GRB14: variants seen among roughly 807,000 people sequenced by gnomAD.
GRB14 encodes the protein growth factor receptor bound protein 14.
A neutral mutation model predicts 69.1 loss-of-function variants in GRB14; 38 were observed. That is an observed-to-expected ratio of 0.55 (90% CI 0.42 to 0.72). The LOEUF (loss-of-function observed/expected upper bound fraction) is 0.72, where lower values mean the gene tolerates loss of function less well. GRB14 is among the 30% of genes least tolerant of loss of function. GRB14 has a pLI of 0.00. For synonymous variants in GRB14, 247 were observed against 241.3 expected (o/e 1.02, Z -0.22); for missense variants, 666 against 666.1 (o/e 1.00, Z 0.00).
rs549825331 is a variant in GRB14 at position 164,592,882 on chromosome 2, C to G, written c.324+26805G>C. Among the ~76,000 whole-genome samples the G allele has an allele frequency of 2.6e-5, 4 of 152,302 alleles. No homozygotes were observed. The South Asian group carries it at 8.3e-4, about 32-fold the overall frequency. On this transcript the variant is annotated intron_variant, in intron 2 of 13. Transcript: ENST00000263915. ...CTGCTTTTCTCAAAGCATTTCAACTCTGCCTCCATGCCCTTACCTTTCTGA... is the reference window on the plus strand; with the variant it reads ...CTGCTTTTCTCAAAGCATTTCAACTGTGCCTCCATGCCCTTACCTTTCTGA...
chr2:164,497,304 C>T, intron 10 of GRB14, 21 bp from the exon 11 acceptor site: 1 of 1,610,620 alleles, frequency 6.2e-7, no homozygotes, highest in South Asian at 1.1e-5. Context: ...AAGGAGAAAA[C>T]AAATCTCAAG....
At chr2:164,507,801 G>GT (rs1211499334) in intron 8 of GRB14, among the ~76,000 whole-genome samples, 2 of 152,064 alleles carry the variant, frequency 1.3e-5, no homozygotes, top group African/African-American at 4.8e-5. Context: ...CTGGCAAACA[G>GT]TTTTTGAAAA....
At chr2:164,604,451 T>C (rs1689997704) in intron 2 of GRB14, among the ~76,000 whole-genome samples, 1 of 152,146 alleles carries the variant, frequency 6.6e-6, no homozygotes, top group Non-Finnish European at 1.5e-5. Context: ...ACATACAATA[T>C]ATTTTTAAAT....
At position 164,620,595 on chromosome 2, in the gene GRB14, G is replaced by A. The variant is rs186471686; in HGVS notation, c.191+524C>T. On this transcript the variant is annotated intron_variant, in intron 1 of 13. Coordinates refer to ENST00000263915, the MANE Select transcript of GRB14 (RefSeq NM_004490.3). The stretch of plus-strand genomic sequence containing the variant: ...TATTGCTGTAACCCTTTTTCTTTCC[G>A]AAAGTATGTGCAACTCTAAAGGCAC... Among the ~76,000 whole-genome samples, 5 of 151,974 alleles carry A rather than the reference G, an allele frequency of 3.3e-5. No individual in the cohort carries two copies. In the East Asian group the frequency reaches 7.7e-4, roughly 24 times the overall value.
At chr2:164,497,160 C>CT (rs749662287) in intron 11 of GRB14, 51 bp downstream of exon 11, 5 of 1,589,434 alleles carry the variant, frequency 3.1e-6, no homozygotes, top group Non-Finnish European at 4.3e-6. Flanking sequence ...ATTACATGTC[C>CT]TTTCCATGTC....
chr2:164,558,901 C>T (rs1688751044), intron 2 of GRB14, among the ~76,000 whole-genome samples: 1 of 152,146 alleles, frequency 6.6e-6, no homozygotes, highest in South Asian at 2.1e-4. Flanking sequence ...GACTTTATTG[C>T]AATTATTGAG....
At chr2:164,590,370 AAGTT>A in intron 2 of GRB14, among the ~76,000 whole-genome samples, 1 of 152,368 alleles carries the variant, frequency 6.6e-6, no homozygotes, top group Middle Eastern at 3.4e-3. Flanking sequence ...AATGAAAAAA[AAGTT>A]AGTTGTCTCA....
chr2:164,546,898 C>G (rs1688393070), intron 3 of GRB14, among the ~76,000 whole-genome samples: 1 of 152,084 alleles, frequency 6.6e-6, no homozygotes, highest in Non-Finnish European at 1.5e-5. Flanking sequence ...CCACAGGTCC[C>G]CTGGCCATGG....
intron 2 of GRB14, among the ~76,000 whole-genome samples, chr2:164,576,116 T>C (rs1294873908): frequency 6.6e-6 from 1 of 150,808 alleles, no homozygotes; most frequent in Non-Finnish European, 1.5e-5. Context: ...GAAAACACTA[T>C]AATGCTAAAT....
At chr2:164,524,912 A>T in intron 5 of GRB14, 92 bp downstream of exon 5, 1 of 697,550 alleles carries the variant, frequency 1.4e-6, no homozygotes, top group Non-Finnish European at 2.4e-6. Flanking sequence ...TCAAAGCATA[A>T]CTTTTCAAAA....
At chr2:164,591,199 G>A (rs1321591001) in intron 2 of GRB14, among the ~76,000 whole-genome samples, 1 of 152,166 alleles carries the variant, frequency 6.6e-6, no homozygotes, top group Non-Finnish European at 1.5e-5. Context: ...TAAGACTAGG[G>A]AAGGAGAAAG....
At chr2:164,599,773 T>A (rs1485542202) in intron 2 of GRB14, among the ~76,000 whole-genome samples, 2 of 152,188 alleles carry the variant, frequency 1.3e-5, no homozygotes, top group Non-Finnish European at 2.9e-5. Context: ...CTATAAAATA[T>A]TACACAACAA....
chr2:164,516,505 A>G (rs1208950275), intron 6 of GRB14, among the ~76,000 whole-genome samples: 1 of 151,888 alleles, frequency 6.6e-6, no homozygotes, highest in African/African-American at 2.4e-5. Context: ...AAAAAAAAAG[A>G]AAACCTACCA....
At chr2:164,557,992 A>T (rs114749121) in intron 2 of GRB14, among the ~76,000 whole-genome samples, 16 of 152,262 alleles carry the variant, frequency 1.1e-4, no homozygotes, top group Non-Finnish European at 1.9e-4. Flanking sequence ...AATGCCCTAA[A>T]CTTGGCACAG....
intron 6 of GRB14, among the ~76,000 whole-genome samples, chr2:164,511,039 C>T (rs1687325906): frequency 1.3e-5 from 2 of 151,830 alleles, no homozygotes; most frequent in Non-Finnish European, 2.9e-5. Flanking sequence ...TCAGCTGACA[C>T]CTACCCATGG....
intron 4 of GRB14, among the ~76,000 whole-genome samples, chr2:164,526,237 AT>A (rs1398656233): frequency 2.6e-5 from 4 of 152,034 alleles, no homozygotes; most frequent in African/African-American, 7.2e-5. Flanking sequence ...TGTATCATAT[AT>A]TTTTCATAAA....
Position 164,565,095 on chromosome 2 carries a change from A to T in GRB14, c.325-17279T>A, listed in dbSNP as rs572988042. Reference sequence around the variant, plus strand: ...AATATGCCTGACCCACCGAATCAGGATATGGATGTAAGGCCTTCTGACCTG... The same window carrying T: ...AATATGCCTGACCCACCGAATCAGGTTATGGATGTAAGGCCTTCTGACCTG... On this transcript the variant is annotated intron_variant, in intron 2 of 13. Coordinates refer to ENST00000263915, the MANE Select transcript of GRB14 (RefSeq NM_004490.3). Among the ~76,000 whole-genome samples the T allele has an allele frequency of 3.7e-4, 57 of 152,342 alleles. No individual in the cohort carries two copies. The South Asian group carries it at 0.012, about 31-fold the overall frequency.
chr2:164,502,193 T>A (rs1687073009), intron 9 of GRB14, 62 bp downstream of exon 9: 1 of 811,686 alleles, frequency 1.2e-6, no homozygotes, highest in East Asian at 2.5e-5. Flanking sequence ...TTATGTAGTG[T>A]AATTTAAATT....
chr2:164,599,553 G>A (rs1689866029), intron 2 of GRB14, among the ~76,000 whole-genome samples: 1 of 152,162 alleles, frequency 6.6e-6, no homozygotes, highest in Non-Finnish European at 1.5e-5. Flanking sequence ...GAATGACAAA[G>A]TAGGCAGTGC....
Sources: allele counts gnomAD v4.1 joint callset (sites outside exome capture counted in the v4.1 genomes callset), GRCh38; gene constraint gnomAD v4.1.1; transcripts MANE v1.5; gene names NCBI Gene and HGNC (gene_info 2026-07-23, HGNC 2026-07-21).